VWF: variants seen among roughly 807,000 people sequenced by gnomAD.
VWF encodes Factor VIII related antigen.
Under a neutral mutation model 308.6 loss-of-function variants are expected in VWF, and 176 were observed. The observed-to-expected ratio is 0.57, with a 90% CI of 0.50 to 0.65. VWF has a LOEUF of 0.65. VWF is among the 30% of genes least tolerant of loss of function. VWF has a pLI of 0.00. For synonymous variants in VWF, 1,385 were observed against 1,443.4 expected, an observed-to-expected ratio of 0.96 and a Z score of 0.92; for missense variants, 3,146 against 3,648.2, an observed-to-expected ratio of 0.86 and a Z score of 3.55.
At chr12:5,972,964 T>G (rs1006884353) in intron 43 of VWF, among the ~76,000 whole-genome samples, 1 of 152,232 alleles carries the variant, frequency 6.6e-6, no homozygotes, top group African/African-American at 2.4e-5. Context: ...TCTAGAAGGC[T>G]GAATGATCGA....
intron 35 of VWF, among the ~76,000 whole-genome samples, chr12:5,995,716 C>T (rs530629830): frequency 6.6e-6 from 1 of 152,266 alleles, no homozygotes; most frequent in East Asian, 1.9e-4. Context: ...AATCCTGATG[C>T]CAATCCCAAT....
In VWF at chr12:6,063,140, G is replaced by A. The variant is rs1022517190; in HGVS notation, c.1433-86C>T. The stretch of plus-strand genomic sequence containing the variant: ...AGATGTATTTGGGAGGAAATGGGGT[G>A]TCTCAAAAGGATGGTAGCACTGAAG... On this transcript the variant is annotated intron_variant, in intron 12 of 51. Transcript: ENST00000261405. The surrounding 1 kb of genome is among the most constrained non-coding windows in gnomAD (Gnocchi z 4.9). 5 of 1,094,198 alleles carry A rather than the reference G, an allele frequency of 4.6e-6. No homozygotes were observed. The highest frequency in any genetic ancestry group is 2.1e-4 in the Middle Eastern group (1 of 4,770). The allele number at this position is 1,094,198 out of a possible 1,614,324, so 67.8% of individuals were successfully genotyped here. A position where few individuals can be genotyped will look rare whatever the true frequency, so the allele number is the denominator to read the frequency against.
rs1990491 is a variant in VWF at position 6,060,380 on chromosome 12, G to A, written c.1534-2336C>T. Among the ~76,000 whole-genome samples, 23,177 of 151,784 alleles carry A rather than the reference G, an allele frequency of 0.15. 2,616 individuals carry two copies. The highest frequency in any genetic ancestry group is 0.33 in the African/African-American group (13,497 of 41,348). The stretch of plus-strand genomic sequence containing the variant: ...ATAACACACCCAGGGGAAGGAGACC[G>A]GGGGGCCCCTAGCTGCACCTCCTCT... On this transcript the variant is annotated intron_variant, in intron 13 of 51. Coordinates refer to ENST00000261405, the MANE Select transcript of VWF (RefSeq NM_000552.5). This position sits in a 1 kb window ranked among gnomAD's most constrained non-coding sequence, Gnocchi z 5.1.
At chr12:6,077,524 T>C (rs1186631876) in intron 6 of VWF, among the ~76,000 whole-genome samples, 1 of 152,204 alleles carries the variant, frequency 6.6e-6, no homozygotes, top group Non-Finnish European at 1.5e-5. Flanking sequence ...GCCTAGGCCT[T>C]AAAGCCCAGC....
intron 22 of VWF, among the ~76,000 whole-genome samples, chr12:6,029,068 C>A (rs568576335): frequency 6.7e-6 from 1 of 148,966 alleles, no homozygotes; most frequent in East Asian, 1.9e-4. Flanking sequence ...GGAGGAAGGT[C>A]TACCAAGCAA....
chr12:6,012,129 T>G lies in VWF; in HGVS notation c.5622A>C (p.Gly1874=). ...CCTCATCCATGCAAATCCTAACAAA[T>G]CCTGCAACAGACACAAATAAGACCT... ...GNSFLHKLCS[G]FVRICMDEDG... is the part of the protein sequence containing the mutation. The change falls in exon 33 of 52, where the codon GGA becomes GGC. Residue 1874 remains glycine (G), a splice_region_variant and synonymous_variant. Coordinates refer to ENST00000261405, the MANE Select transcript of VWF (RefSeq NM_000552.5). The G allele has an allele frequency of 6.2e-7, 1 of 1,613,952 alleles. No homozygotes were observed. The highest frequency in any genetic ancestry group is 1.3e-5 in the African/African-American group (1 of 74,998).
chr12:6,023,601 A>G, intron 25 of VWF, 30 bp downstream of exon 25: 1 of 1,613,268 alleles, frequency 6.2e-7, no homozygotes, highest in Non-Finnish European at 8.5e-7. Context: ...AAGGGAGGGC[A>G]TCTGAGAACA....
intron 5 of VWF, among the ~76,000 whole-genome samples, chr12:6,103,791 T>C (rs1184023033): frequency 6.6e-6 from 1 of 152,112 alleles, no homozygotes; most frequent in African/African-American, 2.4e-5. Flanking sequence ...GACTTGAATG[T>C]AAGGTCTGAA....
At position 6,062,945 on chromosome 12, in the gene VWF, GGC is replaced by G. The variant is rs1179846212; in HGVS notation, c.1533+7_1533+8del. ...CCGCAGGGAGCCAGTACCCCGTGAG[GGC>G]ACCTACCTTCACCAGCAGCCTCCCG... On this transcript the variant is annotated splice_region_variant and intron_variant, in intron 13 of 51. Transcript: ENST00000261405. The G allele has an allele frequency of 6.2e-7, 1 of 1,610,900 alleles. No individual in the cohort carries two copies. The highest frequency in any genetic ancestry group is 1.3e-5 in the African/African-American group (1 of 74,896).
chr12:6,092,622 T>TGAGAGTGAGAGAGAGAGA (rs1403649370), intron 6 of VWF, among the ~76,000 whole-genome samples: 7 of 91,526 alleles, frequency 7.6e-5, no homozygotes, highest in African/African-American at 3.2e-4. Context: ...AGTGAGAGTG[T>TGAGAGTGAGAGAGAGAGA]GTGTGTGTGT....
intron 34 of VWF, among the ~76,000 whole-genome samples, chr12:6,003,424 G>A (rs1943893222): frequency 6.6e-6 from 1 of 151,736 alleles, no homozygotes; most frequent in Admixed American, 6.6e-5. Flanking sequence ...ACTTTAGGAT[G>A]TTAAATGTAA....
Position 6,058,529 on chromosome 12 carries a change from C to A in VWF, c.1534-485G>T, listed in dbSNP as rs1381677137. Among the ~76,000 whole-genome samples the A allele has an allele frequency of 2.6e-5, 4 of 152,194 alleles. No homozygotes were observed. The highest frequency in any genetic ancestry group is 2.0e-4 in the Admixed American group (3 of 15,282). On this transcript the variant is annotated intron_variant, in intron 13 of 51. Transcript: ENST00000261405. This position sits in a 1 kb window ranked among gnomAD's most constrained non-coding sequence, Gnocchi z 4.9. ...TTCGCGTTGGTCACTCGGTGTGGGC[C>A]CAGCAGGCTGCCAGGTGTGGTCCAA...
At chr12:5,949,345 A>G (rs1317911303) in intron 51 of VWF, 142 bp from the exon 52 acceptor site, 5 of 793,808 alleles carry the variant, frequency 6.3e-6, no homozygotes, top group Non-Finnish European at 1.1e-5. Flanking sequence ...CAGGACAGCT[A>G]GGCAATTTGT....
chr12:6,078,938 G>A (rs1944874784), intron 6 of VWF, among the ~76,000 whole-genome samples: 1 of 152,186 alleles, frequency 6.6e-6, no homozygotes, highest in African/African-American at 2.4e-5. Flanking sequence ...AGCAAGAAGG[G>A]TGTTTCTGAT....
intron 6 of VWF, among the ~76,000 whole-genome samples, chr12:6,095,005 C>T (rs1364145732): frequency 8.0e-5 from 12 of 150,816 alleles, no homozygotes; most frequent in African/African-American, 1.5e-4. Flanking sequence ...GGACTACAGG[C>T]GCCCAGATGG....
At chr12:5,984,179 AGTTC>A (rs1205123944) in intron 40 of VWF, among the ~76,000 whole-genome samples, 2 of 152,166 alleles carry the variant, frequency 1.3e-5, no homozygotes, top group Non-Finnish European at 2.9e-5. Context: ...CAGTCTGAGG[AGTTC>A]ACAAAATAAT....
intron 5 of VWF, among the ~76,000 whole-genome samples, chr12:6,105,362 A>G (rs1019598078): frequency 1.9e-4 from 29 of 152,020 alleles, no homozygotes; most frequent in East Asian, 9.7e-4. Flanking sequence ...CCTAGTAGCT[A>G]GGATTACAGG....
At chr12:5,967,630 C>A (rs961147953) in intron 46 of VWF, 28 bp from the exon 47 acceptor site, 25 of 1,583,462 alleles carry the variant, frequency 1.6e-5, no homozygotes, top group Non-Finnish European at 1.8e-5. Flanking sequence ...AGGGTCAGGC[C>A]CCCCAGCATC....
chr12:6,015,724 T>C (rs1944048377), intron 31 of VWF, among the ~76,000 whole-genome samples: 1 of 152,178 alleles, frequency 6.6e-6, no homozygotes, highest in Admixed American at 6.5e-5. Context: ...CCATTGGTTC[T>C]CAAGGCCCTA....
Sources: gnomAD v4.1 joint callset for allele counts (sites outside exome capture counted in the v4.1 genomes callset) on GRCh38, gnomAD v4.1.1 for gene constraint, Gnocchi (gnomAD v3.1) non-coding constraint, MANE v1.5 for transcripts, NCBI Gene and HGNC (gene_info 2026-07-23, HGNC 2026-07-21) for gene names.